Variants in YWHAZ observed in about 807,000 individuals in gnomAD.
The protein encoded by YWHAZ is 14-3-3 protein zeta/delta.
For synonymous variants in YWHAZ, 87 were observed against 103.6 expected (o/e 0.84, Z 0.97); for missense variants, 79 against 284.8 (o/e 0.28, Z 5.20).
At chr8:100,921,065 C>T (rs1812992702) in intron 5 of YWHAZ, among the ~76,000 whole-genome samples, 1 of 152,190 alleles carries the variant, frequency 6.6e-6, no homozygotes, top group African/African-American at 2.4e-5. Flanking sequence ...GATGGAGTCT[C>T]GCTCTGTCAC....
intron 2 of YWHAZ, among the ~76,000 whole-genome samples, chr8:100,947,035 C>T (rs1810337445): frequency 6.6e-6 from 1 of 151,620 alleles, no homozygotes; most frequent in Non-Finnish European, 1.5e-5. Flanking sequence ...GGGCGGATCA[C>T]GAGGTCAGGA....
chr8:100,946,897 A>C (rs1244781967), intron 2 of YWHAZ, among the ~76,000 whole-genome samples: 5 of 151,034 alleles, frequency 3.3e-5, no homozygotes, highest in East Asian at 3.9e-4. Flanking sequence ...AAAAAAAAAA[A>C]CAAAAAAAAC....
At chr8:100,952,968 G>A, upstream of YWHAZ, 1 of 1,000,728 alleles carries the variant, frequency 1.0e-6, no homozygotes, top group Non-Finnish European at 1.2e-6. Flanking sequence ...CGCGGGATCT[G>A]CGCTCGGTGA....
intron 1 of YWHAZ, chr8:100,951,443 G>T: frequency 1.0e-6 from 1 of 983,554 alleles, no homozygotes; most frequent in Non-Finnish European, 1.2e-6. Flanking sequence ...GAGAGGGGAG[G>T]GGGCGGCCTC....
chr8:100,925,541 A>C lies in YWHAZ; in HGVS notation c.295-502T>G, dbSNP rs1054242628. 7.2e-5 allele frequency among the ~76,000 whole-genome samples: 11 copies of C among 152,328 alleles called. No homozygotes were observed. In the East Asian group the frequency reaches 2.1e-3, roughly 29 times the overall value. On this transcript the variant is annotated intron_variant, in intron 2 of 5. Coordinates refer to ENST00000395958, the MANE Select transcript of YWHAZ (RefSeq NM_145690.3). ...GAACAAAATAAACTTCATTTATAACAACACAATTCAAGCAAACCTCACAAC... is the reference window on the plus strand; with the variant it reads ...GAACAAAATAAACTTCATTTATAACCACACAATTCAAGCAAACCTCACAAC...
chr8:100,942,374 A>T (rs978542326), intron 2 of YWHAZ, among the ~76,000 whole-genome samples: 1 of 152,250 alleles, frequency 6.6e-6, no homozygotes, highest in Non-Finnish European at 1.5e-5. Flanking sequence ...TAACTTTCAC[A>T]TATACAAGCT....
At chr8:100,933,079 G>A (rs921802770) in intron 2 of YWHAZ, among the ~76,000 whole-genome samples, 1 of 152,148 alleles carries the variant, frequency 6.6e-6, no homozygotes, top group Non-Finnish European at 1.5e-5. Flanking sequence ...GTTGTGACCT[G>A]GCTCGGCGCA....
intron 2 of YWHAZ, among the ~76,000 whole-genome samples, chr8:100,932,412 A>G (rs1813821196): frequency 6.6e-6 from 1 of 152,122 alleles, no homozygotes; most frequent in Non-Finnish European, 1.5e-5. Context: ...CATATATACT[A>G]CCTCTATAAA....
chr8:100,942,735 C>A (rs1809965749), intron 2 of YWHAZ, among the ~76,000 whole-genome samples: 1 of 152,096 alleles, frequency 6.6e-6, no homozygotes, highest in Non-Finnish European at 1.5e-5. Context: ...AAGCTAAAAG[C>A]CTCTTGCAGG....
At chr8:100,939,837 T>TG (rs1208528311) in intron 2 of YWHAZ, among the ~76,000 whole-genome samples, 1 of 152,038 alleles carries the variant, frequency 6.6e-6, no homozygotes, top group Non-Finnish European at 1.5e-5. Context: ...CTGGCTAACC[T>TG]GGTGAAACCT....
At chr8:100,926,448 T>C (rs1376652210) in intron 2 of YWHAZ, among the ~76,000 whole-genome samples, 3 of 152,062 alleles carry the variant, frequency 2.0e-5, no homozygotes, top group Non-Finnish European at 4.4e-5. Context: ...CTCGTCAACA[T>C]GGTGAAACCC....
chr8:100,950,674 T>C (rs1339718927), intron 1 of YWHAZ: 5 of 599,228 alleles, frequency 8.3e-6, no homozygotes, highest in Non-Finnish European at 9.8e-6. Context: ...GGGGGAGAGA[T>C]GGGGAGCGAA....
At chr8:100,937,872 G>A (rs769520689) in intron 2 of YWHAZ, among the ~76,000 whole-genome samples, 5 of 152,280 alleles carry the variant, frequency 3.3e-5, no homozygotes, top group Admixed American at 1.3e-4. Context: ...GACTCATGCC[G>A]GTAATCCCAG....
Position 100,924,158 on chromosome 8 carries a change from T to C in YWHAZ, c.559A>G (p.Lys187Glu). ...FYYEILNSPE[K>E]ACSLAKTAFD... Reference sequence around the variant, plus strand: ...ACTGTCTTTGCAAGAGAGCAGGCTTTCTCTGGGGAGTTCAGAATCTCATAA... The same window carrying C: ...ACTGTCTTTGCAAGAGAGCAGGCTTCCTCTGGGGAGTTCAGAATCTCATAA... Residue 187 changes from lysine (K) to glutamate (E), a missense_variant, in exon 4 of 6, where the codon AAA (lysine) becomes GAA (glutamate). Physicochemically the swap from Lys to Glu is moderately conservative, Grantham distance 56 (BLOSUM62 1). Coordinates refer to ENST00000395958, the MANE Select transcript of YWHAZ (RefSeq NM_145690.3). The surrounding 1 kb of genome is among the most constrained non-coding windows in gnomAD (Gnocchi z 5.7). The C allele has an allele frequency of 1.9e-6, 3 of 1,613,120 alleles. No homozygotes were observed. Among genetic ancestry groups the C allele is most frequent in the Non-Finnish European group, 2.5e-6 (3 of 1,179,670 alleles).
chr8:100,947,075 A>G (rs1054630174), intron 2 of YWHAZ, among the ~76,000 whole-genome samples: 23 of 151,854 alleles, frequency 1.5e-4, no homozygotes, highest in Admixed American at 1.2e-3. Context: ...AACATGGTGA[A>G]ACCCCGTCTC....
chr8:100,925,101 C>G, intron 2 of YWHAZ, 62 bp from the exon 3 acceptor site: 5 of 1,520,668 alleles, frequency 3.3e-6, no homozygotes, highest in Non-Finnish European at 4.4e-6. Flanking sequence ...AAAGAACTTG[C>G]ATTTCTTAAA....
At chr8:100,950,412 T>TCG (rs1810626339) in intron 1 of YWHAZ, 1 of 985,126 alleles carries the variant, frequency 1.0e-6, no homozygotes, top group African/African-American at 1.7e-5. Context: ...TTACCTGACT[T>TCG]GAGACGTCGG....
intron 2 of YWHAZ, among the ~76,000 whole-genome samples, chr8:100,927,616 C>T (rs1402050133): frequency 6.6e-6 from 1 of 152,208 alleles, no homozygotes; most frequent in East Asian, 1.9e-4. Flanking sequence ...TAAACACATG[C>T]AGTTACTTAA....
chr8:100,948,823 C>A lies in YWHAZ; in HGVS notation c.67G>T (p.Ala23Ser), dbSNP rs774415799. 1.3e-6 allele frequency: 2 copies of A among 1,599,308 alleles called. No individual in the cohort carries two copies. Among genetic ancestry groups the A allele is most frequent in the Non-Finnish European group, 1.7e-6 (2 of 1,179,902 alleles). The part of the protein sequence containing the change: ...AEQAERYDDM[A>S]ACMKSVTEQG... ...TCAGTTACAGACTTCATGCAGGCTGCCATGTCATCATATCGCTCAGCCTGC... is the reference window on the plus strand; with the variant it reads ...TCAGTTACAGACTTCATGCAGGCTGACATGTCATCATATCGCTCAGCCTGC... Residue 23 changes from alanine to serine, a missense_variant, in exon 2 of 6, where the codon GCA becomes TCA. Coordinates refer to ENST00000395958, the MANE Select transcript of YWHAZ (RefSeq NM_145690.3). This position sits in a 1 kb window ranked among gnomAD's most constrained non-coding sequence, Gnocchi z 4.2.
Sources: gnomAD v4.1 joint callset for allele counts (sites outside exome capture counted in the v4.1 genomes callset) on GRCh38, gnomAD v4.1.1 for gene constraint, Gnocchi (gnomAD v3.1) non-coding constraint, MANE v1.5 for transcripts, NCBI Gene and HGNC (gene_info 2026-07-23, HGNC 2026-07-21) for gene names.